PRKAA2: variants seen among roughly 807,000 people sequenced by gnomAD.
PRKAA2 encodes the protein protein kinase AMP-activated catalytic subunit alpha 2, also known as 5'-AMP-activated protein kinase catalytic subunit alpha-2.
PRKAA2 carries 40 observed loss-of-function variants against 56.3 expected under a neutral mutation model. The ratio of observed to expected loss-of-function variants is 0.71; its 90% CI spans 0.55 to 0.92. PRKAA2 has a LOEUF of 0.92. Among genes scored for constraint, PRKAA2 ranks in the 40% least tolerant of loss-of-function variants. The pLI, the probability that PRKAA2 is intolerant of heterozygous loss-of-function variation, is 0.00. For synonymous variants in PRKAA2, 214 were observed against 234.2 expected, an observed-to-expected ratio of 0.91 and a Z score of 0.79; for missense variants, 542 against 686.9, an observed-to-expected ratio of 0.79 and a Z score of 2.36.
Position 56,713,007 on chromosome 1 carries a change from A to T in PRKAA2, c.*5294A>T, listed in dbSNP as rs927845030. The T allele has an allele frequency of 6.6e-6, 1 of 152,204 alleles. No individual in the cohort carries two copies. Among genetic ancestry groups the T allele is most frequent in the Non-Finnish European group, 1.5e-5 (1 of 68,036 alleles). 9.4% of individuals were successfully genotyped at this position (152,204 alleles called of 1,614,324 possible). ...TACATGATATAACTATTTTCATAGAATATATTTCTAATTTACAAACACTGA... is the reference window on the plus strand; with the variant it reads ...TACATGATATAACTATTTTCATAGATTATATTTCTAATTTACAAACACTGA... On this transcript the variant is annotated 3_prime_UTR_variant, in exon 9 of 9. Transcript: ENST00000371244.
intron 1 of PRKAA2, among the ~76,000 whole-genome samples, chr1:56,660,222 G>A (rs1481671326): frequency 1.3e-5 from 2 of 152,198 alleles, no homozygotes; most frequent in Non-Finnish European, 2.9e-5. Context: ...GCAATGCCTA[G>A]TACACATCAG....
chr1:56,685,871 G>C (rs1644187610), intron 2 of PRKAA2, among the ~76,000 whole-genome samples: 1 of 152,160 alleles, frequency 6.6e-6, no homozygotes, highest in Admixed American at 6.5e-5. Context: ...TATATTGATT[G>C]TGTTTGTATC....
At chr1:56,678,286 G>C (rs904794207) in intron 2 of PRKAA2, among the ~76,000 whole-genome samples, 1 of 152,152 alleles carries the variant, frequency 6.6e-6, no homozygotes, top group Non-Finnish European at 1.5e-5. Flanking sequence ...TATTGACATC[G>C]TCTGTAACAG....
chr1:56,674,598 T>G, intron 2 of PRKAA2, 76 bp downstream of exon 2: 1 of 1,219,450 alleles, frequency 8.2e-7, no homozygotes, highest in Non-Finnish European at 1.1e-6. Flanking sequence ...ATAATAATTG[T>G]TAATTGTTAA....
chr1:56,685,246 A>G (rs950755556), intron 2 of PRKAA2, among the ~76,000 whole-genome samples: 27 of 152,228 alleles, frequency 1.8e-4, no homozygotes, highest in Admixed American at 4.6e-4. Context: ...ATCACAGATT[A>G]TCTATAAAGA....
At chr1:56,680,506 C>T (rs962898675) in intron 2 of PRKAA2, among the ~76,000 whole-genome samples, 5 of 152,138 alleles carry the variant, frequency 3.3e-5, no homozygotes, top group Admixed American at 6.5e-5. Flanking sequence ...TATCCCTCCC[C>T]TCTCCTGCCA....
At chr1:56,649,322 A>G (rs1268968405) in intron 1 of PRKAA2, among the ~76,000 whole-genome samples, 1 of 152,194 alleles carries the variant, frequency 6.6e-6, no homozygotes, top group Non-Finnish European at 1.5e-5. Context: ...TGCATTTTTA[A>G]TTGTTGTAGA....
At chr1:56,677,416 G>T (rs993247234) in intron 2 of PRKAA2, among the ~76,000 whole-genome samples, 6 of 152,270 alleles carry the variant, frequency 3.9e-5, no homozygotes, top group South Asian at 2.1e-4. Flanking sequence ...GAAATAGCCA[G>T]ACTAAAAGTG....
At chr1:56,684,773 A>G (rs1249952925) in intron 2 of PRKAA2, among the ~76,000 whole-genome samples, 2 of 152,146 alleles carry the variant, frequency 1.3e-5, no homozygotes, top group African/African-American at 2.4e-5. Context: ...TTTAAGAGGG[A>G]ATATGAGATA....
chr1:56,692,334 T>A (rs751687129), intron 3 of PRKAA2, 24 bp from the exon 4 acceptor site: 6 of 1,613,566 alleles, frequency 3.7e-6, no homozygotes, highest in Non-Finnish European at 5.1e-6. Context: ...ATATTCTTAA[T>A]GCAGTTTCTT....
chr1:56,697,798 A>G (rs1324832224), intron 6 of PRKAA2, among the ~76,000 whole-genome samples: 2 of 150,600 alleles, frequency 1.3e-5, no homozygotes, highest in East Asian at 3.9e-4. Flanking sequence ...GCCCATCTAT[A>G]TTAAAATTTT....
At position 56,683,071 on chromosome 1, in the gene PRKAA2, ATTTTTTTTTTTTTTTTTTT is replaced by A. The variant is rs10606990; in HGVS notation, c.237-8310_237-8292del. ...TTAGATAAGGAGGAGAAAGAAAGGA[ATTTTTTTTTTTTTTTTTTT>A]TTTTTTTTTTTTGCTTAAGCAACTG... On this transcript the variant is annotated intron_variant, in intron 2 of 8. Coordinates refer to ENST00000371244, the MANE Select transcript of PRKAA2 (RefSeq NM_006252.4). Among the ~76,000 whole-genome samples the A allele has an allele frequency of 4.6e-5, 4 of 87,216 alleles. No individual in the cohort carries two copies. In the South Asian group the frequency reaches 1.5e-3, roughly 34 times the overall value. 57.2% of individuals were successfully genotyped at this position (87,216 alleles called of 152,430 possible). A position where few individuals can be genotyped will look rare whatever the true frequency, so the allele number is the denominator to read the frequency against.
At position 56,695,923 on chromosome 1, in the gene PRKAA2, C is replaced by A; in HGVS notation, c.564-12C>A. ...TTGCATTTCAGGTTTGTGTTGTCAT[C>A]TTTTTTCTTAGATTGTATGCAGGTC... On this transcript the variant is annotated splice_polypyrimidine_tract_variant and intron_variant, in intron 5 of 8. Transcript: ENST00000371244. The A allele has an allele frequency of 6.2e-7, 1 of 1,607,674 alleles. No homozygotes were observed. The highest frequency in any genetic ancestry group is 8.5e-7 in the Non-Finnish European group (1 of 1,176,290).
At chr1:56,694,359 C>T (rs1644245981) in intron 5 of PRKAA2, among the ~76,000 whole-genome samples, 1 of 152,080 alleles carries the variant, frequency 6.6e-6, no homozygotes, top group Non-Finnish European at 1.5e-5. Flanking sequence ...ATACAGATTG[C>T]AGTGGTAAAC....
At chr1:56,674,250 T>G (rs1644097768) in intron 1 of PRKAA2, 131 bp from the exon 2 acceptor site, 8 of 670,670 alleles carry the variant, frequency 1.2e-5, no homozygotes. Flanking sequence ...AAAAGAACTG[T>G]AGTTTTGTAC....
At chr1:56,665,927 A>G (rs1644032874) in intron 1 of PRKAA2, among the ~76,000 whole-genome samples, 1 of 152,030 alleles carries the variant, frequency 6.6e-6, no homozygotes, top group Admixed American at 6.6e-5. Flanking sequence ...GCTGATGGTT[A>G]TTATTTTTTC....
intron 1 of PRKAA2, among the ~76,000 whole-genome samples, chr1:56,660,720 C>G (rs1451026361): frequency 6.6e-6 from 1 of 152,144 alleles, no homozygotes; most frequent in Non-Finnish European, 1.5e-5. Flanking sequence ...ATACACCATC[C>G]TGTCACTCAC....
In PRKAA2 at chr1:56,711,052, G is replaced by C. The variant is rs964140404; in HGVS notation, c.*3339G>C. 1.6e-4 allele frequency: 25 copies of C among 152,016 alleles called. No individual in the cohort carries two copies. Among genetic ancestry groups the C allele is most frequent in the African/African-American group, 6.0e-4 (25 of 41,422 alleles). 9.4% of individuals were successfully genotyped at this position (152,016 alleles called of 1,614,324 possible). A position where few individuals can be genotyped will look rare whatever the true frequency, so the allele number is the denominator to read the frequency against. ...GATTAACCTGTTAAGAGACACTTTT[G>C]TAATCTCTAGTGTTTACATTCCTTT... On this transcript the variant is annotated 3_prime_UTR_variant, in exon 9 of 9. Coordinates refer to ENST00000371244, the MANE Select transcript of PRKAA2 (RefSeq NM_006252.4).
At chr1:56,688,430 C>T (rs1284170470) in intron 2 of PRKAA2, among the ~76,000 whole-genome samples, 1 of 152,112 alleles carries the variant, frequency 6.6e-6, no homozygotes. Flanking sequence ...ATAATAAAAA[C>T]ATATAATTAC....
Sources: allele counts gnomAD v4.1 joint callset (sites outside exome capture counted in the v4.1 genomes callset), GRCh38; gene constraint gnomAD v4.1.1; transcripts MANE v1.5; gene names NCBI Gene and HGNC (gene_info 2026-07-23, HGNC 2026-07-21).